Variants in SPEN observed in about 807,000 individuals in gnomAD.
SPEN encodes the protein spen family transcriptional repressor.
A neutral mutation model predicts 269.9 loss-of-function variants in SPEN; 18 were observed. That is an observed-to-expected ratio of 0.07 (90% CI 0.05 to 0.10). The LOEUF is 0.10. SPEN is among the 10% of genes least tolerant of loss of function. The probability of loss-of-function intolerance (pLI) is 1.00; values close to 1 mark genes in which losing one functional copy is unlikely to be tolerated. For missense variants in SPEN, 3,822 were observed against 4,631.2 expected (o/e 0.83, Z 5.07); for synonymous variants, 1,726 against 1,765.7 (o/e 0.98, Z 0.56).
At chr1:15,925,979 C>T (rs2071162252) in intron 10 of SPEN, among the ~76,000 whole-genome samples, 1 of 152,178 alleles carries the variant, frequency 6.6e-6, no homozygotes, top group Non-Finnish European at 1.5e-5. Flanking sequence ...GCTGCCTCGT[C>T]ACTATTTAGA....
chr1:15,875,257 A>T (rs780351057), intron 2 of SPEN, among the ~76,000 whole-genome samples: 14 of 129,600 alleles, frequency 1.1e-4, no homozygotes, highest in Non-Finnish European at 4.9e-5. Context: ...GTTGACAGGT[A>T]TTCACATCCT....
At chr1:15,916,040 G>T in intron 5 of SPEN, 88 bp from the exon 6 acceptor site, 1 of 1,426,656 alleles carries the variant, frequency 7.0e-7, no homozygotes, top group Non-Finnish European at 9.4e-7. Context: ...CAGACATTTT[G>T]TTTTTTAAAT....
chr1:15,872,525 C>T (rs1049272074), intron 1 of SPEN, among the ~76,000 whole-genome samples: 2 of 150,102 alleles, frequency 1.3e-5, no homozygotes, highest in Non-Finnish European at 3.0e-5. Context: ...GCGTGAACCC[C>T]AGAGGTGGAG....
At chr1:15,852,889 CTGAT>C (rs770536045) in intron 1 of SPEN, among the ~76,000 whole-genome samples, 4 of 152,176 alleles carry the variant, frequency 2.6e-5, no homozygotes, top group African/African-American at 7.2e-5. Context: ...AATCGACTGA[CTGAT>C]TGATTGAGAC....
intron 1 of SPEN, among the ~76,000 whole-genome samples, chr1:15,863,931 A>T (rs1376495395): frequency 6.6e-6 from 1 of 152,216 alleles, no homozygotes; most frequent in African/African-American, 2.4e-5. Flanking sequence ...AATGTCGATG[A>T]CCAATGAATA....
rs771323049 is a variant in SPEN, at chr1:15,940,152, G to A, written c.*725G>A. Reference sequence around the variant, plus strand: ...ACTGACTTAAAAAATCAAATCCCCCGACATACGTTTTTTTTAATCTGTGCC... The same window carrying A: ...ACTGACTTAAAAAATCAAATCCCCCAACATACGTTTTTTTTAATCTGTGCC... On this transcript the variant is annotated 3_prime_UTR_variant, in exon 15 of 15. Transcript: ENST00000375759. 4 of 225,462 alleles carry A rather than the reference G, an allele frequency of 1.8e-5. No individual in the cohort carries two copies. The highest frequency in any genetic ancestry group is 3.5e-5 in the Non-Finnish European group (4 of 113,578). The allele number at this position is 225,462 out of a possible 1,614,324, so 14.0% of individuals were successfully genotyped here. A position where few individuals can be genotyped will look rare whatever the true frequency, so the allele number is the denominator to read the frequency against.
chr1:15,861,134 C>CTTTTTTTTTTTTTTTTTTTT (rs1169274095), intron 1 of SPEN, among the ~76,000 whole-genome samples: 1 of 136,128 alleles, frequency 7.3e-6, no homozygotes. Flanking sequence ...GGCTGAGTGA[C>CTTTTTTTTTTTTTTTTTTTT]TTTTTTTTTT....
chr1:15,914,870 T>C (rs1183406960), intron 5 of SPEN, among the ~76,000 whole-genome samples: 2 of 152,200 alleles, frequency 1.3e-5, no homozygotes, highest in African/African-American at 4.8e-5. Context: ...CATTTCTGTT[T>C]GTCACTGGGG....
Position 15,931,323 on chromosome 1 carries a change from G to A in SPEN, c.5083G>A (p.Glu1695Lys), listed in dbSNP as rs2071218691. The A allele has an allele frequency of 3.7e-6, 6 of 1,614,152 alleles. No individual in the cohort carries two copies. In the East Asian group the frequency reaches 1.1e-4, roughly 30 times the overall value. The change falls in exon 11 of 15, where the codon GAA becomes AAA. Residue 1695 changes from glutamate (E) to lysine (K), a missense_variant. Physicochemically the swap from Glu to Lys is moderately conservative, Grantham distance 56 (BLOSUM62 1). This residue lies in a region of SPEN where 533 missense variants were observed against 618.8 expected (regional missense o/e 0.86). Transcript: ENST00000375759. The surrounding 1 kb of genome is among the most constrained non-coding windows in gnomAD (Gnocchi z 4.8). ...PASEPAPAPV[E>K]QLEQVDLPPG... is the part of the protein sequence containing the mutation. ...ATCTGAACCTGCTCCTGCCCCTGTG[G>A]AACAGCTGGAACAAGTAGACCTGCC...
rs770279485 is a variant in SPEN at position 15,932,762 on chromosome 1, C to T, written c.6522C>T (p.Ala2174=). Residue 2174 remains alanine, a synonymous_variant, in exon 11 of 15, where the codon GCC becomes GCT. Transcript: ENST00000375759. This position sits in a 1 kb window ranked among gnomAD's most constrained non-coding sequence, Gnocchi z 4.2. The part of the protein sequence containing the change: ...QLAKQMELEQ[A]VEHIAKLAEA... ...CCAAGCAGATGGAGCTGGAGCAGGC[C>T]GTGGAACACATCGCAAAGCTCGCTG... is the stretch of plus-strand genomic sequence containing the variant. 8.1e-6 allele frequency: 13 copies of T among 1,614,036 alleles called. No homozygotes were observed. Among genetic ancestry groups the T allele is most frequent in the African/African-American group, 1.3e-5 (1 of 74,896 alleles).
rs560303945 is a variant in SPEN at position 15,858,678 on chromosome 1, G to A, written c.83+10528G>A. On this transcript the variant is annotated intron_variant, in intron 1 of 14. Coordinates refer to ENST00000375759, the MANE Select transcript of SPEN (RefSeq NM_015001.3). ...TGGCCAGGTGCAGTGGCTCTTGCCT[G>A]TATTCCAGCACTTTGGAAGGCTGAG... Among the ~76,000 whole-genome samples, 4 of 152,294 alleles carry A rather than the reference G, an allele frequency of 2.6e-5. No individual in the cohort carries two copies. The East Asian group carries it at 7.7e-4, about 29-fold the overall frequency.
At chr1:15,892,260 G>A (rs1163694657) in intron 3 of SPEN, among the ~76,000 whole-genome samples, 3 of 151,938 alleles carry the variant, frequency 2.0e-5, no homozygotes, top group African/African-American at 7.3e-5. Flanking sequence ...TCCTGACCTC[G>A]TGATCCGCCC....
chr1:15,856,179 A>G (rs537366263), intron 1 of SPEN, among the ~76,000 whole-genome samples: 2 of 151,222 alleles, frequency 1.3e-5, no homozygotes, highest in African/African-American at 2.4e-5. Context: ...TTTAGTAGAG[A>G]CGGGGTTTCA....
intron 13 of SPEN, 85 bp downstream of exon 13, chr1:15,938,091 C>T: frequency 3.3e-6 from 4 of 1,228,986 alleles, no homozygotes; most frequent in South Asian, 1.5e-5. Flanking sequence ...TCTCCCTGGC[C>T]TGTCATGGAA....
Position 15,929,116 on chromosome 1 carries a change from A to C in SPEN, c.2876A>C (p.Lys959Thr), listed in dbSNP as rs1285974560. ...VEVVEKEGRL[K>T]ARKHLKPEQP... ...GTGGTGGAGAAGGAAGGCAGGCTTA[A>C]AGCCAGGAAGCACCTCAAGCCTGAG... The change falls in exon 11 of 15, where the codon AAA (lysine) becomes ACA (threonine). Residue 959 changes from lysine to threonine, a missense_variant. Physicochemically the swap from Lys to Thr is moderately conservative, Grantham distance 78 (BLOSUM62 -1). Transcript: ENST00000375759. This position sits in a 1 kb window ranked among gnomAD's most constrained non-coding sequence, Gnocchi z 5.8. 6.2e-7 allele frequency: 1 copy of C among 1,614,222 alleles called. No individual in the cohort carries two copies. Among genetic ancestry groups the C allele is most frequent in the South Asian group, 1.1e-5 (1 of 91,082 alleles).
At chr1:15,858,920 G>C (rs1263763045) in intron 1 of SPEN, among the ~76,000 whole-genome samples, 1 of 152,014 alleles carries the variant, frequency 6.6e-6, no homozygotes, top group Admixed American at 6.6e-5. Context: ...CTCTACCCTG[G>C]GCAATAGAGA....
In SPEN at chr1:15,928,805, T is replaced by C. The variant is rs142778574; in HGVS notation, c.2565T>C (p.Asn855=). 6.2e-6 allele frequency: 10 copies of C among 1,613,736 alleles called. No homozygotes were observed. Among genetic ancestry groups the C allele is most frequent in the Non-Finnish European group, 5.9e-6 (7 of 1,179,994 alleles). ...GCCCTGAAAAGCCCAGGAGTTGTAA[T>C]AAACTGAGCAGAGAGAAAGCTGACA... ...EQSPEKPRSC[N]KLSREKADKE... Residue 855 remains asparagine, a synonymous_variant, in exon 11 of 15, where the codon AAT becomes AAC. Coordinates refer to ENST00000375759, the MANE Select transcript of SPEN (RefSeq NM_015001.3). The surrounding 1 kb of genome is among the most constrained non-coding windows in gnomAD (Gnocchi z 5.7).
In SPEN at chr1:15,939,281, C is replaced by G. The variant is rs754291932; in HGVS notation, c.10864-15C>G. The G allele has an allele frequency of 1.5e-5, 23 of 1,564,708 alleles. 1 individual carries two copies. The Middle Eastern group carries it at 6.8e-4, about 46-fold the overall frequency. Reference sequence around the variant, plus strand: ...AAGACAGACGGTCCCACTTTGCTCTCTATCCTGTCTCCAGCCTGCCTACGT... The same window carrying G: ...AAGACAGACGGTCCCACTTTGCTCTGTATCCTGTCTCCAGCCTGCCTACGT... On this transcript the variant is annotated splice_polypyrimidine_tract_variant and intron_variant, in intron 14 of 14. Coordinates refer to ENST00000375759, the MANE Select transcript of SPEN (RefSeq NM_015001.3). The surrounding 1 kb of genome is among the most constrained non-coding windows in gnomAD (Gnocchi z 4.1).
chr1:15,864,282 T>A (rs1312414077), intron 1 of SPEN, among the ~76,000 whole-genome samples: 3 of 151,872 alleles, frequency 2.0e-5, no homozygotes, highest in Non-Finnish European at 4.4e-5. Context: ...GATTCTCGTG[T>A]CTCAGCCTCC....
Sources: allele counts gnomAD v4.1 joint callset (sites outside exome capture counted in the v4.1 genomes callset), GRCh38; gene constraint gnomAD v4.1.1; regional missense constraint gnomAD v4.1.1; non-coding constraint Gnocchi (gnomAD v3.1); transcripts MANE v1.5; gene names NCBI Gene and HGNC (gene_info 2026-07-23, HGNC 2026-07-21).